The following DSCAML1 variants were observed in gnomAD, a reference collection of about 807,000 sequenced individuals.
The protein encoded by DSCAML1 is DS cell adhesion molecule like 1.
A neutral mutation model predicts 200.5 loss-of-function variants in DSCAML1; 38 were observed. The observed-to-expected ratio is 0.19, with a 90% confidence interval of 0.15 to 0.25. The LOEUF (loss-of-function observed/expected upper bound fraction) is 0.25, where lower values mean the gene tolerates loss of function less well. Ranked by LOEUF, DSCAML1 falls within the 10% of genes least tolerant of loss-of-function variation. The pLI is 1.00. For missense variants in DSCAML1, 2,223 were observed against 2,858.8 expected, an observed-to-expected ratio of 0.78 and a Z score of 5.07; for synonymous variants, 1,215 against 1,165.0, an observed-to-expected ratio of 1.04 and a Z score of -0.87.
chr11:117,534,991 A>G (rs751594287), intron 3 of DSCAML1, among the ~76,000 whole-genome samples: 14 of 150,886 alleles, frequency 9.3e-5, no homozygotes, highest in Non-Finnish European at 1.8e-4. Context: ...TACAATTCCA[A>G]TTGCCCCTCC....
intron 3 of DSCAML1, among the ~76,000 whole-genome samples, chr11:117,717,189 G>A (rs1254971100): frequency 3.3e-5 from 5 of 152,156 alleles, no homozygotes; most frequent in African/African-American, 4.8e-5. Context: ...GGCTGCCTCC[G>A]GTCACTTGGT....
intron 3 of DSCAML1, among the ~76,000 whole-genome samples, chr11:117,564,556 C>G (rs1478327275): frequency 6.6e-6 from 1 of 152,188 alleles, no homozygotes; most frequent in Non-Finnish European, 1.5e-5. Context: ...TCTGCTCTTG[C>G]TGGTCCCTCT....
intron 3 of DSCAML1, among the ~76,000 whole-genome samples, chr11:117,661,356 G>T (rs1440061385): frequency 6.6e-6 from 1 of 152,214 alleles, no homozygotes; most frequent in African/African-American, 2.4e-5. Flanking sequence ...TCTGCCGCAA[G>T]GGAGGAGGAA....
chr11:117,525,457 GCTT>G (rs1305222232), intron 4 of DSCAML1, among the ~76,000 whole-genome samples: 4 of 151,808 alleles, frequency 2.6e-5, no homozygotes, highest in African/African-American at 7.3e-5. Flanking sequence ...AGAGTCCCTG[GCTT>G]CTTTTTTTTT....
intron 19 of DSCAML1, among the ~76,000 whole-genome samples, chr11:117,456,028 C>T (rs988593552): frequency 5.3e-5 from 8 of 152,276 alleles, no homozygotes; most frequent in South Asian, 2.1e-4. Flanking sequence ...TTCCATTTCC[C>T]GTTTGGTGAC....
rs186569126 is a variant in DSCAML1 at position 117,428,039 on chromosome 11, G to A, written c.*289C>T. Reference sequence around the variant, plus strand: ...ATATAGATATATAGCTCGTGGACGCGTTCCTGTCTGTCTATATATGTATAT... The same window carrying A: ...ATATAGATATATAGCTCGTGGACGCATTCCTGTCTGTCTATATATGTATAT... On this transcript the variant is annotated 3_prime_UTR_variant, in exon 33 of 33. Coordinates refer to ENST00000651296, the MANE Select transcript of DSCAML1 (RefSeq NM_020693.4). 9.7e-4 allele frequency: 255 copies of A among 262,060 alleles called. 1 individual carries two copies. The highest frequency in any genetic ancestry group is 4.7e-3 in the African/African-American group (209 of 44,054). The allele number at this position is 262,060 out of a possible 1,614,324, so 16.2% of individuals were successfully genotyped here.
At chr11:117,535,564 A>G (rs1209466150) in intron 3 of DSCAML1, among the ~76,000 whole-genome samples, 1 of 152,212 alleles carries the variant, frequency 6.6e-6, no homozygotes, top group African/African-American at 2.4e-5. Flanking sequence ...AGAGGAACCG[A>G]GGAAGCACGG....
chr11:117,760,442 T>C (rs915614204), intron 3 of DSCAML1, among the ~76,000 whole-genome samples: 42 of 152,352 alleles, frequency 2.8e-4, no homozygotes, highest in East Asian at 1.9e-4. Context: ...GAGGACTGTT[T>C]TGCATGTTTT....
At chr11:117,542,332 AAACAAC>A (rs1232254690) in intron 3 of DSCAML1, among the ~76,000 whole-genome samples, 1 of 132,188 alleles carries the variant, frequency 7.6e-6, no homozygotes, top group African/African-American at 3.1e-5. Flanking sequence ...CAAAACACAA[AAACAAC>A]AACAACAACA....
chr11:117,455,237 T>C (rs2048349832), intron 19 of DSCAML1, among the ~76,000 whole-genome samples: 1 of 152,236 alleles, frequency 6.6e-6, no homozygotes, highest in Non-Finnish European at 1.5e-5. Flanking sequence ...TCTGGTATGT[T>C]TCTCTGAACT....
At chr11:117,653,292 G>A (rs552298106) in intron 3 of DSCAML1, among the ~76,000 whole-genome samples, 6 of 152,274 alleles carry the variant, frequency 3.9e-5, no homozygotes, top group African/African-American at 7.2e-5. Context: ...CCATGAAGTG[G>A]ATCCAGTATT....
intron 3 of DSCAML1, among the ~76,000 whole-genome samples, chr11:117,658,221 C>T (rs1432037114): frequency 6.6e-6 from 1 of 152,158 alleles, no homozygotes; most frequent in African/African-American, 2.4e-5. Context: ...CCTTCTGCAG[C>T]CCTAGAGTCT....
intron 3 of DSCAML1, among the ~76,000 whole-genome samples, chr11:117,599,636 C>T (rs2051428051): frequency 6.6e-6 from 1 of 152,166 alleles, no homozygotes; most frequent in African/African-American, 2.4e-5. Flanking sequence ...TTCCTCAACA[C>T]AAGACATCTG....
At chr11:117,786,600 G>A (rs1007677587) in intron 1 of DSCAML1, among the ~76,000 whole-genome samples, 3 of 152,166 alleles carry the variant, frequency 2.0e-5, no homozygotes, top group East Asian at 1.9e-4. Context: ...GTGTGGGATG[G>A]AAGTGTCTGT....
Position 117,428,280 on chromosome 11 carries a change from G to C in DSCAML1, c.*48C>G, listed in dbSNP as rs746475317. On this transcript the variant is annotated 3_prime_UTR_variant, in exon 33 of 33. Coordinates refer to ENST00000651296, the MANE Select transcript of DSCAML1 (RefSeq NM_020693.4). Reference sequence around the variant, plus strand: ...AGAAAAACAGCCGAGCTGGCGTGTGGGGCTGCGGCGCGGCGCGGTCCAGGC... The same window carrying C: ...AGAAAAACAGCCGAGCTGGCGTGTGCGGCTGCGGCGCGGCGCGGTCCAGGC... 1.9e-6 allele frequency: 2 copies of C among 1,071,226 alleles called. No individual in the cohort carries two copies. Among genetic ancestry groups the C allele is most frequent in the Admixed American group, 2.1e-5 (1 of 47,046 alleles). The allele number at this position is 1,071,226 out of a possible 1,614,324, so 66.4% of individuals were successfully genotyped here.
intron 3 of DSCAML1, among the ~76,000 whole-genome samples, chr11:117,631,169 C>T (rs2052164274): frequency 6.6e-6 from 1 of 152,196 alleles, no homozygotes; most frequent in Admixed American, 6.5e-5. Flanking sequence ...GACTCATAGC[C>T]CTATAGCCTG....
In DSCAML1 at chr11:117,437,266, G is replaced by T. The variant is rs762516390; in HGVS notation, c.4576C>A (p.Gln1526Lys). ...EYRPKGTWAWQGLRANSSGEV... is the reference protein window; with the variant it reads ...EYRPKGTWAWKGLRANSSGEV... ...CCGGAGCTGTTGGCCCGGAGGCCCT[G>T]CCAGGCCCAGGTCCCCTTGGGCCGG... The change falls in exon 26 of 33, where the codon CAG becomes AAG. Residue 1526 changes from glutamine to lysine, a missense_variant. This residue lies in a region of DSCAML1 where 614 missense variants were observed against 739.1 expected (regional missense o/e 0.83). Coordinates refer to ENST00000651296, the MANE Select transcript of DSCAML1 (RefSeq NM_020693.4). The surrounding 1 kb of genome is among the most constrained non-coding windows in gnomAD (Gnocchi z 5.3). 3.8e-5 allele frequency: 62 copies of T among 1,614,104 alleles called. No individual in the cohort carries two copies. The highest frequency in any genetic ancestry group is 1.6e-4 in the Middle Eastern group (1 of 6,084).
At chr11:117,593,860 C>T (rs1028795259) in intron 3 of DSCAML1, among the ~76,000 whole-genome samples, 2 of 151,940 alleles carry the variant, frequency 1.3e-5, no homozygotes, top group Admixed American at 6.6e-5. Context: ...TACAGGCGCC[C>T]GCCACCACAC....
intron 3 of DSCAML1, among the ~76,000 whole-genome samples, chr11:117,629,734 C>T (rs910761625): frequency 3.9e-5 from 6 of 152,136 alleles, no homozygotes; most frequent in African/African-American, 1.4e-4. Flanking sequence ...TGGTGGCTCG[C>T]TCCTGTAATC....
Sources: gnomAD v4.1 joint callset for allele counts (sites outside exome capture counted in the v4.1 genomes callset) on GRCh38, gnomAD v4.1.1 for gene constraint, gnomAD v4.1.1 regional missense constraint, Gnocchi (gnomAD v3.1) non-coding constraint, MANE v1.5 for transcripts, NCBI Gene and HGNC (gene_info 2026-07-23, HGNC 2026-07-21) for gene names.